ADAMTS14: variants seen among roughly 807,000 people sequenced by gnomAD.
ADAMTS14 encodes the protein A disintegrin and metalloproteinase with thrombospondin motifs 14.
ADAMTS14 carries 100 observed loss-of-function variants against 128.6 expected under a neutral mutation model. The ratio of observed to expected loss-of-function variants is 0.78; its 90% CI spans 0.66 to 0.92. The LOEUF (loss-of-function observed/expected upper bound fraction) is 0.92, where lower values mean the gene tolerates loss of function less well. Ranked by LOEUF, ADAMTS14 falls within the 40% of genes least tolerant of loss-of-function variation. The pLI is 0.00. For missense variants in ADAMTS14, 1,562 were observed against 1,658.6 expected (o/e 0.94, Z 1.01); for synonymous variants, 665 against 653.8 (o/e 1.02, Z -0.26).
chr10:70,752,857 C>T (rs1020254915), intron 18 of ADAMTS14, among the ~76,000 whole-genome samples: 6 of 152,144 alleles, frequency 3.9e-5, no homozygotes, highest in Non-Finnish European at 7.4e-5. Flanking sequence ...AACCGGTGGC[C>T]AGCGCTAGAG....
At chr10:70,708,941 C>T (rs1840754015) in intron 4 of ADAMTS14, among the ~76,000 whole-genome samples, 163 bp downstream of exon 4, 1 of 152,118 alleles carries the variant, frequency 6.6e-6, no homozygotes, top group African/African-American at 2.4e-5. Context: ...AGAAGGCACA[C>T]CCTTGGCAGC....
At chr10:70,696,655 A>T (rs535937219) in intron 2 of ADAMTS14, among the ~76,000 whole-genome samples, 38 of 152,280 alleles carry the variant, frequency 2.5e-4, no homozygotes, top group African/African-American at 8.9e-4. Flanking sequence ...GGTGGTGAGA[A>T]GGGAAGCGAG....
At chr10:70,744,304 T>G (rs1327684307) in intron 14 of ADAMTS14, 115 bp downstream of exon 14, 2 of 1,319,914 alleles carry the variant, frequency 1.5e-6, no homozygotes, top group Non-Finnish European at 2.0e-6. Flanking sequence ...GAAGGGGCCC[T>G]GGGGCCCATC....
intron 2 of ADAMTS14, among the ~76,000 whole-genome samples, chr10:70,694,927 G>A (rs1273282101): frequency 6.6e-6 from 1 of 152,196 alleles, no homozygotes; most frequent in African/African-American, 2.4e-5. Flanking sequence ...TGGTAATGCT[G>A]TTAATCATTG....
At chr10:70,738,781 T>A in intron 10 of ADAMTS14, 61 bp from the exon 11 acceptor site, 1 of 1,608,604 alleles carries the variant, frequency 6.2e-7, no homozygotes, top group Non-Finnish European at 8.5e-7. Flanking sequence ...TTTTTCTGGC[T>A]CCCCGGGTGG....
intron 2 of ADAMTS14, among the ~76,000 whole-genome samples, chr10:70,676,052 G>A (rs61600447): frequency 0.01 from 1,569 of 152,154 alleles, 26 homozygotes; most frequent in African/African-American, 0.034. Flanking sequence ...CTAGGCCAGT[G>A]CTTTCCACCT....
intron 15 of ADAMTS14, 41 bp downstream of exon 15, chr10:70,745,347 G>T (rs941445861): frequency 1.1e-5 from 18 of 1,605,116 alleles, no homozygotes; most frequent in Non-Finnish European, 1.4e-5. Context: ...AGGGCCCCAG[G>T]CCCTGCCCTC....
rs1840304267 is a variant in ADAMTS14, at chr10:70,695,420, G to A, written c.523-6892G>A. Among the ~76,000 whole-genome samples the A allele has an allele frequency of 2.0e-5, 3 of 152,178 alleles. No individual in the cohort carries two copies. The South Asian group carries it at 6.2e-4, about 32-fold the overall frequency. On this transcript the variant is annotated intron_variant, in intron 2 of 21. Coordinates refer to ENST00000373207, the MANE Select transcript of ADAMTS14 (RefSeq NM_080722.4). ...AGTCCCTGCAGGAGCCATGGTTCCAGGGTGTGGGGGTGTGAGGGGTGGGGC... is the reference window on the plus strand; with the variant it reads ...AGTCCCTGCAGGAGCCATGGTTCCAAGGTGTGGGGGTGTGAGGGGTGGGGC...
chr10:70,754,574 T>A lies in ADAMTS14; in HGVS notation c.2937+567T>A, dbSNP rs114034327. Among the ~76,000 whole-genome samples, 126 of 152,092 alleles carry A rather than the reference T, an allele frequency of 8.3e-4. 3 individuals carry two copies. In the East Asian group the frequency reaches 0.021, roughly 26 times the overall value. ...GGACAAGCCACAGGAAGAGACCAAG[T>A]CAGGAACAATTTTACAACGTTCCAG... On this transcript the variant is annotated intron_variant, in intron 19 of 21. Transcript: ENST00000373207.
At chr10:70,751,448 G>A (rs775369451) in intron 16 of ADAMTS14, 30 bp from the exon 17 acceptor site, 3 of 1,590,636 alleles carry the variant, frequency 1.9e-6, no homozygotes, top group Non-Finnish European at 2.6e-6. Flanking sequence ...TCTTTCTCTG[G>A]TCCTGTGCCA....
chr10:70,693,158 C>T (rs192537757), intron 2 of ADAMTS14, among the ~76,000 whole-genome samples: 2 of 152,270 alleles, frequency 1.3e-5, no homozygotes, highest in East Asian at 3.9e-4. Context: ...AACTCACTTA[C>T]CACCAAGGAG....
intron 1 of ADAMTS14, 36 bp from the exon 2 acceptor site, chr10:70,674,520 A>G (rs748648213): frequency 6.3e-7 from 1 of 1,584,312 alleles, no homozygotes; most frequent in Non-Finnish European, 8.6e-7. Context: ...CTCTGAACCG[A>G]CTGCATTGAA....
At chr10:70,713,111 G>A (rs554144187) in intron 4 of ADAMTS14, among the ~76,000 whole-genome samples, 1 of 152,344 alleles carries the variant, frequency 6.6e-6, no homozygotes, top group South Asian at 2.1e-4. Context: ...ATCTTTCAGA[G>A]AAACTCTTTC....
At chr10:70,731,651 C>T (rs1841642039) in intron 6 of ADAMTS14, among the ~76,000 whole-genome samples, 1 of 152,220 alleles carries the variant, frequency 6.6e-6, no homozygotes, top group South Asian at 2.1e-4. Context: ...CACTGCCCTC[C>T]ATCAGCCATT....
intron 2 of ADAMTS14, among the ~76,000 whole-genome samples, chr10:70,697,043 C>T (rs1036765678): frequency 3.3e-5 from 5 of 152,224 alleles, no homozygotes; most frequent in Admixed American, 6.5e-5. Context: ...CAAGGGGTGT[C>T]GGTGGAAATA....
chr10:70,736,931 G>C, intron 10 of ADAMTS14, 138 bp downstream of exon 10: 1 of 709,548 alleles, frequency 1.4e-6, no homozygotes. Context: ...CTAAAAGACA[G>C]TGGTGAGTCC....
At chr10:70,678,261 T>C (rs1026676469) in intron 2 of ADAMTS14, among the ~76,000 whole-genome samples, 4 of 152,226 alleles carry the variant, frequency 2.6e-5, no homozygotes, top group Non-Finnish European at 5.9e-5. Flanking sequence ...TATGCAGATA[T>C]TGTTATTACT....
At chr10:70,687,321 G>T (rs113962103) in intron 2 of ADAMTS14, among the ~76,000 whole-genome samples, 2 of 98,886 alleles carry the variant, frequency 2.0e-5, no homozygotes, top group African/African-American at 6.7e-5. Context: ...CAGGGCGGCT[G>T]GCCGGGCGGG....
chr10:70,702,495 C>T, intron 3 of ADAMTS14, 27 bp downstream of exon 3: 1 of 1,576,370 alleles, frequency 6.3e-7, no homozygotes, highest in Non-Finnish European at 8.6e-7. Flanking sequence ...GGCCTGTGTG[C>T]TGCTTCTCTC....
Sources: allele counts gnomAD v4.1 joint callset (sites outside exome capture counted in the v4.1 genomes callset), GRCh38; gene constraint gnomAD v4.1.1; transcripts MANE v1.5; gene names NCBI Gene and HGNC (gene_info 2026-07-23, HGNC 2026-07-21).